ANO2: variants seen among roughly 807,000 people sequenced by gnomAD.
The protein encoded by ANO2 is anoctamin 2, also known as anoctamin-2.
ANO2 carries 101 observed loss-of-function variants against 124.2 expected under a neutral mutation model. The observed-to-expected ratio is 0.81, with a 90% CI of 0.69 to 0.96. The LOEUF (loss-of-function observed/expected upper bound fraction) is 0.96. Ranked by LOEUF, ANO2 falls within the 40% of genes least tolerant of loss-of-function variation. ANO2 has a pLI of 0.00. For missense variants in ANO2, 1,293 were observed against 1,274.5 expected (o/e 1.01, Z -0.22); for synonymous variants, 486 against 482.5 (o/e 1.01, Z -0.09).
chr12:5,733,200 C>T, intron 13 of ANO2: 1 of 442,098 alleles, frequency 2.3e-6, no homozygotes, highest in South Asian at 2.3e-5. Flanking sequence ...TTGCCTGGAC[C>T]TGTTTCCTGT....
intron 10 of ANO2, among the ~76,000 whole-genome samples, chr12:5,789,957 G>C (rs930619443): frequency 6.6e-6 from 1 of 152,222 alleles, no homozygotes; most frequent in Non-Finnish European, 1.5e-5. Flanking sequence ...GGACTGAGGT[G>C]CTCAGGGGTT....
At chr12:5,799,698 CA>C (rs1454520178) in intron 9 of ANO2, 127 bp from the exon 10 acceptor site, 2 of 805,304 alleles carry the variant, frequency 2.5e-6, no homozygotes, top group Non-Finnish European at 4.1e-6. Context: ...ATGAGACATC[CA>C]GGGGGAGATG....
chr12:5,658,496 C>G lies in ANO2; in HGVS notation c.1546-10695G>C, dbSNP rs907836852. On this transcript the variant is annotated intron_variant, in intron 14 of 24. Coordinates refer to ENST00000682330, the MANE Select transcript of ANO2 (RefSeq NM_001364791.2). This position sits in a 1 kb window ranked among gnomAD's most constrained non-coding sequence, Gnocchi z 4.3. ...CTATCATCATCATCATCAATATCAT[C>G]GTATCAAAATCAATATAATCATCAA... 6.6e-6 allele frequency among the ~76,000 whole-genome samples: 1 copy of G among 151,906 alleles called. No individual in the cohort carries two copies. Among genetic ancestry groups the G allele is most frequent in the South Asian group, 2.1e-4 (1 of 4,808 alleles).
chr12:5,922,364 G>A (rs1941746721), intron 2 of ANO2, among the ~76,000 whole-genome samples: 1 of 152,200 alleles, frequency 6.6e-6, no homozygotes, highest in Non-Finnish European at 1.5e-5. Context: ...GAACCAGGGG[G>A]CCTGCAGACC....
At chr12:5,664,325 A>G (rs917215306) in intron 14 of ANO2, among the ~76,000 whole-genome samples, 14 of 151,924 alleles carry the variant, frequency 9.2e-5, no homozygotes, top group African/African-American at 3.4e-4. Flanking sequence ...CCATCTTTCC[A>G]TCTATCCACC....
chr12:5,576,531 T>C (rs1295526203), intron 22 of ANO2, among the ~76,000 whole-genome samples: 1 of 152,236 alleles, frequency 6.6e-6, no homozygotes, highest in African/African-American at 2.4e-5. Context: ...GCATGTCATG[T>C]AATAGAAGTT....
At position 5,750,121 on chromosome 12, in the gene ANO2, G is replaced by A. The variant is rs569898664; in HGVS notation, c.1190+715C>T. ...CAGCTAAATTTTTTTTTTTTTTAGA[G>A]ATGAGGTCTCACTGTGTTGCCCAGG... is the stretch of plus-strand genomic sequence containing the variant. On this transcript the variant is annotated intron_variant, in intron 11 of 24. Coordinates refer to ENST00000682330, the MANE Select transcript of ANO2 (RefSeq NM_001364791.2). Among the ~76,000 whole-genome samples the A allele has an allele frequency of 1.3e-4, 19 of 150,878 alleles. No individual in the cohort carries two copies. The East Asian group carries it at 3.3e-3, about 26-fold the overall frequency.
rs144107270 is a variant in ANO2, at chr12:5,587,321, C to T, written c.2234-8803G>A. On this transcript the variant is annotated intron_variant, in intron 20 of 24. Coordinates refer to ENST00000682330, the MANE Select transcript of ANO2 (RefSeq NM_001364791.2). ...ACATCATTTATTTATCTGAATGAAACGGTGATAAAACTTTACCAAGAGATT... is the reference window on the plus strand; with the variant it reads ...ACATCATTTATTTATCTGAATGAAATGGTGATAAAACTTTACCAAGAGATT... Among the ~76,000 whole-genome samples the T allele has an allele frequency of 3.3e-3, 498 of 152,280 alleles. 5 individuals are homozygous for T. The highest frequency in any genetic ancestry group is 0.012 in the African/African-American group (480 of 41,556).
At chr12:5,690,256 C>T (rs1454202502) in intron 14 of ANO2, among the ~76,000 whole-genome samples, 2 of 152,182 alleles carry the variant, frequency 1.3e-5, no homozygotes. Flanking sequence ...CCAAAGTCAG[C>T]ACCAAAACAT....
intron 8 of ANO2, among the ~76,000 whole-genome samples, chr12:5,806,608 C>G (rs777906614): frequency 2.0e-5 from 3 of 152,334 alleles, no homozygotes; most frequent in Admixed American, 2.0e-4. Flanking sequence ...AATAGTGAAG[C>G]CATGGAGCAT....
chr12:5,662,256 G>T (rs1947484845), intron 14 of ANO2, among the ~76,000 whole-genome samples: 1 of 152,208 alleles, frequency 6.6e-6, no homozygotes, highest in Non-Finnish European at 1.5e-5. Context: ...CTTGCATTTT[G>T]TGAATTTATT....
At chr12:5,603,009 T>C (rs1944016973) in intron 19 of ANO2, among the ~76,000 whole-genome samples, 1 of 152,188 alleles carries the variant, frequency 6.6e-6, no homozygotes, top group Non-Finnish European at 1.5e-5. Flanking sequence ...TATGCATGCA[T>C]CCATTCTCAT....
chr12:5,937,259 G>A (rs1942687895), intron 1 of ANO2, among the ~76,000 whole-genome samples: 1 of 152,078 alleles, frequency 6.6e-6, no homozygotes, highest in Non-Finnish European at 1.5e-5. Context: ...ATCCTAACAG[G>A]TATGCGATGA....
chr12:5,732,703 A>G (rs1178967340), intron 13 of ANO2, 73 bp from the exon 14 acceptor site: 1 of 1,534,398 alleles, frequency 6.5e-7, no homozygotes, highest in Admixed American at 1.7e-5. Context: ...ATAACCAGAC[A>G]CATGTACATT....
intron 19 of ANO2, among the ~76,000 whole-genome samples, chr12:5,611,232 GT>G (rs1191896319): frequency 2.0e-5 from 3 of 152,094 alleles, no homozygotes; most frequent in Non-Finnish European, 4.4e-5. Context: ...GCTTCCCAAA[GT>G]GCTGGGATTA....
At chr12:5,718,021 A>G (rs1950086504) in intron 14 of ANO2, among the ~76,000 whole-genome samples, 1 of 152,212 alleles carries the variant, frequency 6.6e-6, no homozygotes, top group Non-Finnish European at 1.5e-5. Flanking sequence ...AAACACATGG[A>G]AGTCCGGGAT....
chr12:5,831,140 T>C (rs901305481), intron 5 of ANO2, among the ~76,000 whole-genome samples: 1 of 152,206 alleles, frequency 6.6e-6, no homozygotes, highest in African/African-American at 2.4e-5. Context: ...GAAGCTGTGC[T>C]AGAGGATGCA....
chr12:5,670,648 C>T (rs904676034), intron 14 of ANO2, among the ~76,000 whole-genome samples: 7 of 152,108 alleles, frequency 4.6e-5, no homozygotes, highest in Non-Finnish European at 7.4e-5. Context: ...AATCCTCCCA[C>T]CACACCCTCC....
intron 23 of ANO2, among the ~76,000 whole-genome samples, chr12:5,570,558 C>G (rs1942047806): frequency 6.6e-6 from 1 of 152,142 alleles, no homozygotes; most frequent in South Asian, 2.1e-4. Flanking sequence ...AGACTCAGGG[C>G]TCAGATGTCC....
Sources: gnomAD v4.1 joint callset for allele counts (sites outside exome capture counted in the v4.1 genomes callset) on GRCh38, gnomAD v4.1.1 for gene constraint, Gnocchi (gnomAD v3.1) non-coding constraint, MANE v1.5 for transcripts, NCBI Gene and HGNC (gene_info 2026-07-23, HGNC 2026-07-21) for gene names.